RBM10: variants seen among roughly 807,000 people sequenced by gnomAD.
RBM10 encodes RNA binding motif protein 10, also known as RNA-binding protein 10.
Under a neutral mutation model 84.9 loss-of-function variants are expected in RBM10, and 1 was observed. The observed-to-expected ratio is 0.01, with a 90% CI of 0.00 to 0.06. RBM10 has a LOEUF of 0.06. Ranked by LOEUF, RBM10 falls within the 10% of genes least tolerant of loss-of-function variation. The pLI, the probability that RBM10 is intolerant of heterozygous loss-of-function variation, is 1.00. For missense variants in RBM10, 438 were observed against 839.0 expected (o/e 0.52, Z 5.90); for synonymous variants, 326 against 344.5 (o/e 0.95, Z 0.60).
chrX:47,176,146 C>G (rs1350567068), intron 6 of RBM10, among the ~76,000 whole-genome samples: 3 of 111,269 alleles, frequency 2.7e-5, no homozygotes, highest in South Asian at 7.8e-4. Flanking sequence ...CCCTCACCCC[C>G]CAAGTGTAGC....
chrX:47,160,184 CCTCGATACAGGGTTTGGCAAAGAATT>C (rs1556766373), intron 2 of RBM10, among the ~76,000 whole-genome samples: 1 of 111,970 alleles, frequency 8.9e-6, no homozygotes, highest in Admixed American at 9.5e-5. Context: ...GAAATGCCCT[CCTCGATACAGGGTTTGGCAAAGAATT>C]TATGGCTAAG....
intron 5 of RBM10, among the ~76,000 whole-genome samples, chrX:47,173,775 G>C (rs1311700744): frequency 9.3e-6 from 1 of 107,937 alleles, no homozygotes; most frequent in Non-Finnish European, 1.9e-5. Flanking sequence ...GGGTGGTGGT[G>C]GGGGGAGTTG....
intron 1 of RBM10, among the ~76,000 whole-genome samples, chrX:47,146,824 TCA>T (rs1932280833): frequency 9.0e-6 from 1 of 111,046 alleles, no homozygotes; most frequent in Non-Finnish European, 1.9e-5. Context: ...GTTCGCCCCT[TCA>T]CACACCCCCC....
rs2147213641 is a variant in RBM10 at position 47,185,334 on chromosome X, G to C, written c.2133G>C (p.Met711Ile). 8.3e-7 allele frequency: 1 copy of C among 1,208,822 alleles called. No individual in the cohort carries two copies. Among genetic ancestry groups the C allele is most frequent in the Non-Finnish European group, 1.1e-6 (1 of 893,926 alleles). The change falls in exon 19 of 24, where the codon ATG becomes ATC. Residue 711 changes from methionine (M) to isoleucine (I), a missense_variant. Physicochemically the swap from Met to Ile is conservative, Grantham distance 10. Coordinates refer to ENST00000377604, the MANE Select transcript of RBM10 (RefSeq NM_005676.5). ...TAGCCGAGAGACAGCACACCAGCAT[G>C]GATCTCCCGAAATTGGCCAGTGACG... ...GALAERQHTS[M>I]DLPKLASDDR...
intron 8 of RBM10, 21 bp from the exon 9 acceptor site, chrX:47,179,298 G>A (rs782125003): frequency 7.5e-6 from 9 of 1,193,144 alleles, no homozygotes; most frequent in Non-Finnish European, 9.0e-6. Flanking sequence ...TCACCAGCCT[G>A]TCTCCCACTG....
chrX:47,176,373 C>T (rs1363104685), intron 6 of RBM10, 127 bp from the exon 7 acceptor site: 18 of 1,120,725 alleles, frequency 1.6e-5, no homozygotes, highest in Admixed American at 5.2e-5. Flanking sequence ...ATCCGCTCTC[C>T]GACCTCCCTC....
At chrX:47,151,330 A>G (rs782633658) in intron 2 of RBM10, among the ~76,000 whole-genome samples, 1 of 111,768 alleles carries the variant, frequency 8.9e-6, no homozygotes, top group East Asian at 2.8e-4. Context: ...ATTTTTTAAA[A>G]AATATTTTTC....
chrX:47,167,335 G>T (rs1556769577), intron 2 of RBM10, among the ~76,000 whole-genome samples: 2 of 107,786 alleles, frequency 1.9e-5, no homozygotes, highest in African/African-American at 6.7e-5. Context: ...AGATTATAAA[G>T]AAATTATTCA....
At chrX:47,178,975 T>C in intron 7 of RBM10, 128 bp from the exon 8 acceptor site, 1 of 1,145,132 alleles carries the variant, frequency 8.7e-7, no homozygotes, top group African/African-American at 1.8e-5. Flanking sequence ...AGAAGGCACC[T>C]GCCACCATTG....
At chrX:47,158,151 TCTC>T in intron 2 of RBM10, 1 of 239,301 alleles carries the variant, frequency 4.2e-6, no homozygotes, top group Non-Finnish European at 7.7e-6. Flanking sequence ...TTGATTTTCT[TCTC>T]ATGCAGCCAG....
At chrX:47,149,596 G>A (rs940150296) in intron 2 of RBM10, among the ~76,000 whole-genome samples, 1 of 110,073 alleles carries the variant, frequency 9.1e-6, no homozygotes, top group African/African-American at 3.3e-5. Flanking sequence ...TCGACTTCAG[G>A]TGATCCTCCC....
chrX:47,185,678 G>C lies in RBM10; in HGVS notation c.2356-38G>C, dbSNP rs1556782106. The C allele has an allele frequency of 2.5e-6, 3 of 1,209,997 alleles. No individual in the cohort carries two copies. In the East Asian group the frequency reaches 8.9e-5, roughly 36 times the overall value. ...GCATGCTGGGGCCTGGCCCACTGAG[G>C]CTCATCCTCTTCACTTCTCATCCTG... On this transcript the variant is annotated intron_variant, in intron 20 of 23. Coordinates refer to ENST00000377604, the MANE Select transcript of RBM10 (RefSeq NM_005676.5).
At chrX:47,147,308 C>T (rs2147063501) in intron 1 of RBM10, 49 bp from the exon 2 acceptor site, 1 of 1,128,445 alleles carries the variant, frequency 8.9e-7, no homozygotes, top group Non-Finnish European at 1.2e-6. Flanking sequence ...CAAGGAGGCC[C>T]TCTCAGTCCC....
rs2147213016 is a variant in RBM10, at chrX:47,185,289, C to T, written c.2101-13C>T. The T allele has an allele frequency of 8.3e-7, 1 of 1,211,294 alleles. No individual in the cohort carries two copies. Among genetic ancestry groups the T allele is most frequent in the African/African-American group, 1.7e-5 (1 of 57,790 alleles). Reference sequence around the variant, plus strand: ...CTGTGGAGTCCCTGAATTTCTGTGTCCCTCCACCCCAGGGAGCACTAGCCG... The same window carrying T: ...CTGTGGAGTCCCTGAATTTCTGTGTTCCTCCACCCCAGGGAGCACTAGCCG... On this transcript the variant is annotated splice_polypyrimidine_tract_variant and intron_variant, in intron 18 of 23. Transcript: ENST00000377604.
Position 47,180,438 on chromosome X carries a change from G to A in RBM10, c.1180G>A (p.Gly394Ser), listed in dbSNP as rs1556778596. 8.4e-7 allele frequency: 1 copy of A among 1,194,492 alleles called. No individual in the cohort carries two copies. ...GSKRDMASNE[G>S]SRISAASVAS... ...CCTCAGGGACATGGCCTCCAATGAAGGCAGTCGCATCAGTGCTGCCTCTGT... is the reference window on the plus strand; with the variant it reads ...CCTCAGGGACATGGCCTCCAATGAAAGCAGTCGCATCAGTGCTGCCTCTGT... The change falls in exon 12 of 24, where the codon GGC (glycine) becomes AGC (serine). Residue 394 changes from glycine to serine, a missense_variant. Gly to Ser is a moderately conservative substitution (Grantham distance 56). Coordinates refer to ENST00000377604, the MANE Select transcript of RBM10 (RefSeq NM_005676.5).
At chrX:47,186,446 C>A (rs781947905) in intron 23 of RBM10, 28 bp from the exon 24 acceptor site, 3 of 1,202,261 alleles carry the variant, frequency 2.5e-6, no homozygotes, top group Non-Finnish European at 3.4e-6. Context: ...CCCCCACCAG[C>A]CTGACAGAGC....
intron 3 of RBM10, among the ~76,000 whole-genome samples, chrX:47,170,609 C>T (rs971709528): frequency 3.6e-5 from 4 of 112,400 alleles, no homozygotes; most frequent in African/African-American, 6.5e-5. Flanking sequence ...AGGGTGGAAC[C>T]GTAGGAGACA....
intron 2 of RBM10, among the ~76,000 whole-genome samples, chrX:47,164,254 A>G (rs782644373): frequency 1.5e-4 from 17 of 111,748 alleles, no homozygotes; most frequent in Non-Finnish European, 2.8e-4. Context: ...TAAATAATAT[A>G]TCTGGTAAGG....
At chrX:47,151,999 G>C (rs1195720676) in intron 2 of RBM10, among the ~76,000 whole-genome samples, 2 of 111,366 alleles carry the variant, frequency 1.8e-5, no homozygotes, top group African/African-American at 6.5e-5. Flanking sequence ...ATCGCTTGAG[G>C]CCAGGAGTTC....
Sources: gnomAD v4.1 joint callset for allele counts (sites outside exome capture counted in the v4.1 genomes callset) on GRCh38, gnomAD v4.1.1 for gene constraint, MANE v1.5 for transcripts, NCBI Gene and HGNC (gene_info 2026-07-23, HGNC 2026-07-21) for gene names.